LRP11: variants seen among roughly 807,000 people sequenced by gnomAD.
LRP11 encodes LDL receptor related protein 11.
In LRP11, 25 loss-of-function variants were observed where a neutral mutation model predicts 43.1. The ratio of observed to expected loss-of-function variants is 0.58; its 90% confidence interval spans 0.42 to 0.81. The LOEUF (loss-of-function observed/expected upper bound fraction) is 0.81. Ranked by LOEUF, LRP11 falls within the 30% of genes least tolerant of loss-of-function variation. The pLI is 0.00. For synonymous variants in LRP11, 316 were observed against 299.4 expected (o/e 1.06, Z -0.57); for missense variants, 623 against 665.1 (o/e 0.94, Z 0.70).
intron 6 of LRP11, among the ~76,000 whole-genome samples, chr6:149,821,730 A>T (rs1156293798): frequency 6.6e-6 from 1 of 152,192 alleles, no homozygotes; most frequent in Admixed American, 6.5e-5. Flanking sequence ...TCTGGAGATT[A>T]TATGGTGGAA....
chr6:149,852,441 C>T (rs1360757734), intron 2 of LRP11: 1 of 152,224 alleles, frequency 6.6e-6, no homozygotes, highest in Non-Finnish European at 1.5e-5. Context: ...CAGCCACCAG[C>T]CACATGGCTG....
chr6:149,820,448 G>A lies in LRP11; in HGVS notation c.*101C>T. On this transcript the variant is annotated 3_prime_UTR_variant, in exon 7 of 7. Transcript: ENST00000239367. ...GATTTGGGATTTGCAGAATCTTCTG[G>A]CCCAATTAAAAACAAAAGAAGCTGT... The A allele has an allele frequency of 1.8e-6, 1 of 549,832 alleles. No homozygotes were observed. The highest frequency in any genetic ancestry group is 3.0e-5 in the Admixed American group (1 of 32,920). The allele number at this position is 549,832 out of a possible 1,614,324, so 34.1% of individuals were successfully genotyped here.
rs77352267 is a variant in LRP11, at chr6:149,844,146, G to A, written c.772-1022C>T. Among the ~76,000 whole-genome samples the A allele has an allele frequency of 1.2e-4, 18 of 151,806 alleles. 1 individual carries two copies. In the East Asian group the frequency reaches 1.7e-3, roughly 15 times the overall value. On this transcript the variant is annotated intron_variant, in intron 2 of 6. Transcript: ENST00000239367. The stretch of plus-strand genomic sequence containing the variant: ...CGTGCGCCTGTAGTCCCAGGTACTC[G>A]GGAGGCTGAGGCAGGAGAATCGCTT...
chr6:149,863,854 T>C lies in LRP11; in HGVS notation c.167A>G (p.Glu56Gly). The C allele has an allele frequency of 6.6e-7, 1 of 1,510,834 alleles. No homozygotes were observed. Among genetic ancestry groups the C allele is most frequent in the Non-Finnish European group, 8.8e-7 (1 of 1,138,750 alleles). The allele number at this position is 1,510,834 out of a possible 1,614,324, so 93.6% of individuals were successfully genotyped here. ...SELHAQLSGV[E>G]QLLEEFRRQL... is the part of the protein sequence containing the mutation. The stretch of plus-strand genomic sequence containing the variant: ...CCGGCGGAACTCCTCCAGCAGCTGC[T>C]CCACGCCCGACAGCTGCGCGTGCAG... Residue 56 changes from glutamate to glycine, a missense_variant, in exon 1 of 7, where the codon GAG becomes GGG. Glu to Gly is a moderately conservative substitution (Grantham distance 98). Coordinates refer to ENST00000239367, the MANE Select transcript of LRP11 (RefSeq NM_032832.6).
chr6:149,858,070 C>T (rs1219157613), intron 1 of LRP11, among the ~76,000 whole-genome samples: 2 of 152,100 alleles, frequency 1.3e-5, no homozygotes, highest in Admixed American at 1.3e-4. Context: ...TATTATTATA[C>T]TTAAAAGTTC....
intron 2 of LRP11, among the ~76,000 whole-genome samples, chr6:149,848,748 G>A (rs2115403169): frequency 6.6e-6 from 1 of 151,418 alleles, no homozygotes; most frequent in South Asian, 2.1e-4. Flanking sequence ...ATGGAAGGAG[G>A]GAGAGGTTTA....
chr6:149,864,312 C>G lies in LRP11; in HGVS notation c.-292G>C, dbSNP rs1777005188. 1 of 1,031,570 alleles carries G rather than the reference C, an allele frequency of 9.7e-7. No individual in the cohort carries two copies. The highest frequency in any genetic ancestry group is 1.7e-5 in the African/African-American group (1 of 58,450). 63.9% of individuals were successfully genotyped at this position (1,031,570 alleles called of 1,614,324 possible). On this transcript the variant is annotated 5_prime_UTR_variant, in exon 1 of 7. Coordinates refer to ENST00000239367, the MANE Select transcript of LRP11 (RefSeq NM_032832.6). ...CCCCGGCCTGCGGCGCGCTGGGTGG[C>G]GACGAGTCGGCCTCGGCGTTGATCA... is the stretch of plus-strand genomic sequence containing the variant.
intron 5 of LRP11, among the ~76,000 whole-genome samples, chr6:149,826,940 T>C (rs746563224): frequency 6.6e-6 from 1 of 151,464 alleles, no homozygotes; most frequent in Non-Finnish European, 1.5e-5. Flanking sequence ...TATTAAGTTA[T>C]AATACTGAGG....
At position 149,836,151 on chromosome 6, in the gene LRP11, T is replaced by C. The variant is rs1302295756; in HGVS notation, c.1186A>G (p.Asn396Asp). The change falls in exon 5 of 7, where the codon AAC becomes GAC. Residue 396 changes from asparagine (N) to aspartate (D), a missense_variant. Physicochemically the swap from Asn to Asp is conservative, Grantham distance 23 (BLOSUM62 1). Transcript: ENST00000239367. ...TAPNKPPALS[N>D]TEKRNHSAFW... ...GCGGAATGATTCCTCTTCTCTGTGT[T>C]TGATAATGCAGGTGGCTTGTTTGGG... is the stretch of plus-strand genomic sequence containing the variant. 8.7e-6 allele frequency: 14 copies of C among 1,614,184 alleles called. No homozygotes were observed. In the South Asian group the frequency reaches 1.5e-4, roughly 18 times the overall value.
chr6:149,863,813 G>A lies in LRP11; in HGVS notation c.208C>T (p.Arg70Trp), dbSNP rs1354540939. Residue 70 changes from arginine (R) to tryptophan (W), a missense_variant, in exon 1 of 7, where the codon CGG (arginine) becomes TGG (tryptophan). Transcript: ENST00000239367. ...EEFRRQLQQERPQEELELELR... is the reference protein window; with the variant it reads ...EEFRRQLQQEWPQEELELELR... ...TCCAGCTCCAGCTCCTCCTGAGGCC[G>A]CTCCTGCTGCAGTTGCCGGCGGAAC... The A allele has an allele frequency of 2.0e-6, 3 of 1,505,102 alleles. No homozygotes were observed. Among genetic ancestry groups the A allele is most frequent in the Non-Finnish European group, 2.6e-6 (3 of 1,135,498 alleles). 93.2% of individuals were successfully genotyped at this position (1,505,102 alleles called of 1,614,324 possible). A position where few individuals can be genotyped will look rare whatever the true frequency, so the allele number is the denominator to read the frequency against.
intron 3 of LRP11, 123 bp from the exon 4 acceptor site, chr6:149,837,586 G>A: frequency 1.0e-6 from 1 of 983,082 alleles, no homozygotes; most frequent in Non-Finnish European, 1.5e-6. Flanking sequence ...AAATAATGAG[G>A]CAAACCTAAC....
chr6:149,825,690 C>G (rs1776329868), intron 6 of LRP11, among the ~76,000 whole-genome samples: 1 of 148,858 alleles, frequency 6.7e-6, no homozygotes, highest in Non-Finnish European at 1.5e-5. Context: ...CGGTCTCACT[C>G]TGTCACCCAG....
In LRP11 at chr6:149,863,694, G is replaced by C; in HGVS notation, c.327C>G (p.Asp109Glu). 6.8e-7 allele frequency: 1 copy of C among 1,480,228 alleles called. No individual in the cohort carries two copies. Among genetic ancestry groups the C allele is most frequent in the Non-Finnish European group, 8.9e-7 (1 of 1,122,478 alleles). The allele number at this position is 1,480,228 out of a possible 1,614,324, so 91.7% of individuals were successfully genotyped here. A position where few individuals can be genotyped will look rare whatever the true frequency, so the allele number is the denominator to read the frequency against. The stretch of plus-strand genomic sequence containing the variant: ...GGAAGCTGGCACCCGCCGCCAGGGA[G>C]TCCTTGGTGCGGATGATGGCGTCAG... ...AMPDAIIRTK[D>E]SLAAGASFLR... The change falls in exon 1 of 7, where the codon GAC (aspartate) becomes GAG (glutamate). Residue 109 changes from aspartate to glutamate, a missense_variant. Transcript: ENST00000239367.
intron 1 of LRP11, among the ~76,000 whole-genome samples, chr6:149,853,792 G>A (rs4870058): frequency 0.041 from 6,245 of 152,304 alleles, 280 homozygotes; most frequent in Admixed American, 0.14. Flanking sequence ...GATTAGCAGC[G>A]TGAGCCACTG....
intron 5 of LRP11, among the ~76,000 whole-genome samples, chr6:149,833,261 A>G (rs1776432546): frequency 6.6e-6 from 1 of 152,112 alleles, no homozygotes; most frequent in Non-Finnish European, 1.5e-5. Context: ...AAATCTACTT[A>G]TGGGTCTTTA....
At chr6:149,843,152 C>A in intron 2 of LRP11, 28 bp from the exon 3 acceptor site, 2 of 1,613,572 alleles carry the variant, frequency 1.2e-6, no homozygotes, top group South Asian at 1.1e-5. Context: ...CACATCACGT[C>A]GAGCAGCAGA....
intron 1 of LRP11, among the ~76,000 whole-genome samples, chr6:149,853,524 TG>T (rs1421767585): frequency 6.6e-6 from 1 of 152,210 alleles, no homozygotes; most frequent in Non-Finnish European, 1.5e-5. Flanking sequence ...ATTATTATTT[TG>T]AGATGGAGTT....
chr6:149,845,859 ACCT>A (rs1776624678), intron 2 of LRP11, among the ~76,000 whole-genome samples: 1 of 151,780 alleles, frequency 6.6e-6, no homozygotes, highest in Admixed American at 6.6e-5. Context: ...CTGGTTTGAG[ACCT>A]CAAGATTGCA....
At chr6:149,839,406 T>C (rs1418300250) in intron 3 of LRP11, among the ~76,000 whole-genome samples, 1 of 152,116 alleles carries the variant, frequency 6.6e-6, no homozygotes, top group African/African-American at 2.4e-5. Context: ...CTCCGGCCAC[T>C]GGGAAGAAGC....
Sources: gnomAD v4.1 joint callset for allele counts (sites outside exome capture counted in the v4.1 genomes callset) on GRCh38, gnomAD v4.1.1 for gene constraint, MANE v1.5 for transcripts, NCBI Gene and HGNC (gene_info 2026-07-23, HGNC 2026-07-21) for gene names.